ACYP2: variants seen among roughly 807,000 people sequenced by gnomAD.
ACYP2 encodes the protein acylphosphatase-2.
Under a neutral mutation model 11.2 loss-of-function variants are expected in ACYP2, and 12 were observed. That is an observed-to-expected ratio of 1.08 (90% CI 0.69 to 1.74). The LOEUF is 1.74. Among genes scored for constraint, ACYP2 ranks in the 40% most tolerant of loss-of-function variants. ACYP2 has a pLI of 0.00. For missense variants in ACYP2, 134 were observed against 101.9 expected (o/e 1.31, Z -1.35); for synonymous variants, 43 against 32.2 (o/e 1.33, Z -1.13).
At chr2:54,008,686 A>T (rs903697219) in intron 2 of ACYP2, among the ~76,000 whole-genome samples, 2 of 152,124 alleles carry the variant, frequency 1.3e-5, no homozygotes, top group African/African-American at 4.8e-5. Context: ...TAGTTTTTGT[A>T]AATATGGGGT....
chr2:54,074,203 G>A (rs1479275918), intron 4 of ACYP2, among the ~76,000 whole-genome samples: 1 of 152,146 alleles, frequency 6.6e-6, no homozygotes, highest in African/African-American at 2.4e-5. Flanking sequence ...AAATTAGCTG[G>A]GTTTGGTGGT....
At chr2:54,231,565 G>A (rs1686238524) in intron 6 of ACYP2, among the ~76,000 whole-genome samples, 1 of 152,188 alleles carries the variant, frequency 6.6e-6, no homozygotes, top group South Asian at 2.1e-4. Context: ...ACCTCTGCTA[G>A]GTTGTTTCAC....
chr2:54,266,692 G>A (rs1407110765), intron 6 of ACYP2, among the ~76,000 whole-genome samples: 4 of 135,358 alleles, frequency 3.0e-5, no homozygotes, highest in African/African-American at 8.2e-5. Context: ...TGCAAGCTCC[G>A]CCGTCCGGGT....
intron 6 of ACYP2, among the ~76,000 whole-genome samples, chr2:54,213,479 T>C (rs1313905540): frequency 6.6e-6 from 1 of 152,222 alleles, no homozygotes; most frequent in African/African-American, 2.4e-5. Flanking sequence ...CTGGGTCAAA[T>C]AGCAGTTCTG....
intron 2 of ACYP2, among the ~76,000 whole-genome samples, chr2:53,981,578 C>G (rs1179461391): frequency 1.3e-5 from 2 of 152,146 alleles, no homozygotes; most frequent in African/African-American, 2.4e-5. Flanking sequence ...GAGATACTTT[C>G]AATTTTCCAT....
At chr2:54,033,793 G>T (rs1468498969) in intron 2 of ACYP2, among the ~76,000 whole-genome samples, 1 of 152,226 alleles carries the variant, frequency 6.6e-6, no homozygotes, top group Non-Finnish European at 1.5e-5. Context: ...GGTGAGAAAT[G>T]ATGGTGGTCT....
chr2:54,016,973 T>C (rs1023952224), intron 2 of ACYP2, among the ~76,000 whole-genome samples: 28 of 151,506 alleles, frequency 1.8e-4, no homozygotes, highest in African/African-American at 6.6e-4. Context: ...GATCCACCCA[T>C]CTCGGCCTCC....
At chr2:54,193,334 A>C (rs1156748950) in intron 6 of ACYP2, among the ~76,000 whole-genome samples, 1 of 152,214 alleles carries the variant, frequency 6.6e-6, no homozygotes, top group African/African-American at 2.4e-5. Context: ...TCTTAAAACA[A>C]GTCTATAAAA....
At chr2:54,243,083 G>C (rs1343461729) in intron 6 of ACYP2, among the ~76,000 whole-genome samples, 1 of 152,164 alleles carries the variant, frequency 6.6e-6, no homozygotes, top group Non-Finnish European at 1.5e-5. Flanking sequence ...CTTTGTCTGT[G>C]ATATGAGATG....
At chr2:54,136,351 A>C (rs1681231802) in intron 5 of ACYP2, among the ~76,000 whole-genome samples, 1 of 152,048 alleles carries the variant, frequency 6.6e-6, no homozygotes, top group Non-Finnish European at 1.5e-5. Flanking sequence ...AATTTTTTTA[A>C]AGTACTCCTT....
At chr2:54,101,830 C>T (rs1182485724) in intron 4 of ACYP2, among the ~76,000 whole-genome samples, 2 of 152,102 alleles carry the variant, frequency 1.3e-5, no homozygotes, top group Non-Finnish European at 2.9e-5. Context: ...GTACAGAGGG[C>T]TCTCATATAC....
chr2:54,064,045 G>A (rs867124300), intron 4 of ACYP2, among the ~76,000 whole-genome samples: 1 of 152,026 alleles, frequency 6.6e-6, no homozygotes, highest in Non-Finnish European at 1.5e-5. Context: ...ACGGGGTCTC[G>A]CTATTGTTGC....
chr2:54,237,419 GAATACACC>G (rs1686534042), intron 6 of ACYP2, among the ~76,000 whole-genome samples: 1 of 152,156 alleles, frequency 6.6e-6, no homozygotes, highest in African/African-American at 2.4e-5. Context: ...TCTGGGAGCG[GAATACACC>G]CTTCAGTGTT....
At chr2:54,256,308 C>T (rs992939354) in intron 6 of ACYP2, 7 of 716,068 alleles carry the variant, frequency 9.8e-6, no homozygotes, top group East Asian at 2.7e-5. Flanking sequence ...ACACTCACTC[C>T]TCAGTCTCGC....
At chr2:54,003,691 A>G (rs978085987) in intron 2 of ACYP2, among the ~76,000 whole-genome samples, 9 of 152,214 alleles carry the variant, frequency 5.9e-5, no homozygotes, top group Non-Finnish European at 1.0e-4. Flanking sequence ...TAAAACTGCT[A>G]TTAATATCTA....
At chr2:54,234,674 G>A (rs180927468) in intron 6 of ACYP2, among the ~76,000 whole-genome samples, 26 of 152,294 alleles carry the variant, frequency 1.7e-4, no homozygotes, top group African/African-American at 6.0e-4. Flanking sequence ...ATTAAGGCAT[G>A]AACAAGATTA....
chr2:54,218,191 T>C lies in ACYP2; in HGVS notation c.404+79443T>C, dbSNP rs6726868. On this transcript the variant is annotated intron_variant, in intron 6 of 6. Coordinates refer to ENST00000607452, the MANE Select transcript of ACYP2 (RefSeq NM_001320586.2). ...GTTCTTCATTAAAGGTAGAATTAAT[T>C]TGTGTCTTTTTTATACCACTTAGTC... Among the ~76,000 whole-genome samples the C allele has an allele frequency of 9.2e-4, 140 of 152,314 alleles. 1 individual carries two copies. Among genetic ancestry groups the C allele is most frequent in the African/African-American group, 3.3e-3 (138 of 41,570 alleles).
Position 54,058,272 on chromosome 2 carries a change from C to G in ACYP2, c.277+912C>G, listed in dbSNP as rs554768624. Among the ~76,000 whole-genome samples, 24 of 146,930 alleles carry G rather than the reference C, an allele frequency of 1.6e-4. 1 individual carries two copies. In the East Asian group the frequency reaches 4.6e-3, roughly 28 times the overall value. On this transcript the variant is annotated intron_variant, in intron 4 of 6. Coordinates refer to ENST00000607452, the MANE Select transcript of ACYP2 (RefSeq NM_001320586.2). ...TTTGTTTTATCAAAGTAGTACAAAG[C>G]TATATACAATATTAAATAGTACTAC...
intron 4 of ACYP2, among the ~76,000 whole-genome samples, chr2:54,130,361 G>A (rs1680827504): frequency 6.6e-6 from 1 of 152,172 alleles, no homozygotes; most frequent in Admixed American, 6.6e-5. Context: ...TGGCTGGAAT[G>A]GGGTGAGTAA....
Sources: allele counts gnomAD v4.1 joint callset (sites outside exome capture counted in the v4.1 genomes callset), GRCh38; gene constraint gnomAD v4.1.1; transcripts MANE v1.5; gene names NCBI Gene and HGNC (gene_info 2026-07-23, HGNC 2026-07-21).